RNF43: variants seen among roughly 807,000 people sequenced by gnomAD.
RNF43 encodes the protein ring finger protein 43, also known as E3 ubiquitin-protein ligase RNF43.
Under a neutral mutation model 78.4 loss-of-function variants are expected in RNF43, and 37 were observed. That is an observed-to-expected ratio of 0.47 (90% CI 0.36 to 0.62). RNF43 has a LOEUF of 0.62. Ranked by LOEUF, RNF43 falls within the 20% of genes least tolerant of loss-of-function variation. RNF43 has a pLI of 0.00. For synonymous variants in RNF43, 347 were observed against 395.0 expected, an observed-to-expected ratio of 0.88 and a Z score of 1.44; for missense variants, 774 against 1,007.9, an observed-to-expected ratio of 0.77 and a Z score of 3.14.
At position 58,357,770 on chromosome 17, in the gene RNF43, G is replaced by T. The variant is rs1254699355; in HGVS notation, c.2006C>A (p.Pro669His). Residue 669 changes from proline (P) to histidine (H), a missense_variant, in exon 9 of 10, where the codon CCC (proline) becomes CAC (histidine). Transcript: ENST00000407977. This position sits in a 1 kb window ranked among gnomAD's most constrained non-coding sequence, Gnocchi z 4.5. ...AGCTGGGTGCACAGTTGCATCCTGG[G>T]GCCGAGAGCCAGGGGTGGGCTCGGA... is the stretch of plus-strand genomic sequence containing the variant. ...GPSEPTPGSR[P>H]QDATVHPACQ... The T allele has an allele frequency of 6.2e-7, 1 of 1,613,844 alleles. No homozygotes were observed. The highest frequency in any genetic ancestry group is 1.7e-5 in the Admixed American group (1 of 59,958).
chr17:58,377,590 A>C (rs1166845875), intron 2 of RNF43, among the ~76,000 whole-genome samples: 2 of 152,044 alleles, frequency 1.3e-5, no homozygotes, highest in African/African-American at 2.4e-5. Context: ...CCCCTTATCC[A>C]TGGCATCTCC....
intron 2 of RNF43, among the ~76,000 whole-genome samples, chr17:58,376,164 T>C (rs1420568165): frequency 6.6e-6 from 1 of 152,170 alleles, no homozygotes; most frequent in Non-Finnish European, 1.5e-5. Flanking sequence ...GGAGAGATGA[T>C]GTGCCTGCGT....
At chr17:58,407,086 T>G (rs1973925854) in intron 2 of RNF43, among the ~76,000 whole-genome samples, 2 of 142,920 alleles carry the variant, frequency 1.4e-5, no homozygotes, top group South Asian at 4.6e-4. Context: ...TTTTTTTTTT[T>G]TTTTTTTTTT....
At chr17:58,416,634 T>G (rs1974131784) in intron 1 of RNF43, 1 of 152,176 alleles carries the variant, frequency 6.6e-6, no homozygotes, top group African/African-American at 2.4e-5. Flanking sequence ...TCCTCACATG[T>G]ATCCAAATTC....
chr17:58,383,910 G>A (rs978330373), intron 2 of RNF43, among the ~76,000 whole-genome samples: 1 of 152,104 alleles, frequency 6.6e-6, no homozygotes, highest in Non-Finnish European at 1.5e-5. Flanking sequence ...GAGCTACTGC[G>A]CCCAGCTAAA....
chr17:58,387,637 G>A (rs907838043), intron 2 of RNF43, among the ~76,000 whole-genome samples: 9 of 151,866 alleles, frequency 5.9e-5, no homozygotes, highest in African/African-American at 2.2e-4. Flanking sequence ...TCCAGCCTGG[G>A]CGACAGAGAG....
chr17:58,389,325 A>C (rs979026842), intron 2 of RNF43, among the ~76,000 whole-genome samples: 10 of 152,206 alleles, frequency 6.6e-5, no homozygotes, highest in Admixed American at 5.2e-4. Context: ...TGGAAAAAAG[A>C]TGTTGCATTA....
At chr17:58,352,624 C>T, downstream of RNF43, 1 of 211,990 alleles carries the variant, frequency 4.7e-6, no homozygotes, top group Non-Finnish European at 9.6e-6. Context: ...TCTGGATTGT[C>T]TCTGCAGAGA....
In RNF43 at chr17:58,358,942, TGG is replaced by T. The variant is rs929669716; in HGVS notation, c.953-121_953-120del. On this transcript the variant is annotated intron_variant, in intron 8 of 9. Coordinates refer to ENST00000407977, the MANE Select transcript of RNF43 (RefSeq NM_017763.6). The surrounding 1 kb of genome is among the most constrained non-coding windows in gnomAD (Gnocchi z 6.2). ...CTGAGTAGCCTGTGAGCTCAGAGTT[TGG>T]GGGATCAAGGACGTGCCTAAGCTGC... 1.8e-6 allele frequency: 2 copies of T among 1,122,404 alleles called. No individual in the cohort carries two copies. Among genetic ancestry groups the T allele is most frequent in the Admixed American group, 3.4e-5 (1 of 29,198 alleles). The allele number at this position is 1,122,404 out of a possible 1,614,324, so 69.5% of individuals were successfully genotyped here.
rs1006038276 is a variant in RNF43, at chr17:58,354,688, A to G, written c.*255T>C. On this transcript the variant is annotated 3_prime_UTR_variant, in exon 10 of 10. Coordinates refer to ENST00000407977, the MANE Select transcript of RNF43 (RefSeq NM_017763.6). ...GATCCAGCCCACACACGCCACAGGC[A>G]GCAGCTGGTTGCCTGGCTGGACATG... The G allele has an allele frequency of 2.2e-5, 12 of 541,280 alleles. No homozygotes were observed. Among genetic ancestry groups the G allele is most frequent in the Non-Finnish European group, 3.4e-5 (10 of 297,124 alleles). The allele number at this position is 541,280 out of a possible 1,614,324, so 33.5% of individuals were successfully genotyped here.
intron 2 of RNF43, among the ~76,000 whole-genome samples, chr17:58,398,409 T>G (rs1041307277): frequency 1.3e-5 from 2 of 152,226 alleles, no homozygotes; most frequent in African/African-American, 4.8e-5. Context: ...CTGCTTCTTT[T>G]TTGATATATC....
At chr17:58,352,636 C>G (rs1027147662), downstream of RNF43, 7 of 211,208 alleles carry the variant, frequency 3.3e-5, no homozygotes, top group Admixed American at 5.9e-5. Context: ...CTGCAGAGAC[C>G]GAGAAGAAAT....
At chr17:58,372,907 G>C (rs1346165513) in intron 2 of RNF43, among the ~76,000 whole-genome samples, 1 of 152,228 alleles carries the variant, frequency 6.6e-6, no homozygotes, top group Non-Finnish European at 1.5e-5. Context: ...GAGGTAGACT[G>C]TGGGCAGTGA....
chr17:58,415,903 A>T lies in RNF43; in HGVS notation c.-326T>A. The T allele has an allele frequency of 2.4e-6, 1 of 417,640 alleles. No homozygotes were observed. Among genetic ancestry groups the T allele is most frequent in the Non-Finnish European group, 4.4e-6 (1 of 226,678 alleles). 25.9% of individuals were successfully genotyped at this position (417,640 alleles called of 1,614,324 possible). A position where few individuals can be genotyped will look rare whatever the true frequency, so the allele number is the denominator to read the frequency against. ...GCTTGTGATTGAATGTCACTTCGTG[A>T]ATTTGTATTATGTCAGATCACTTGG... On this transcript the variant is annotated 5_prime_UTR_variant, in exon 2 of 10. Coordinates refer to ENST00000407977, the MANE Select transcript of RNF43 (RefSeq NM_017763.6).
At chr17:58,414,522 T>C (rs1974086803) in intron 2 of RNF43, among the ~76,000 whole-genome samples, 1 of 152,218 alleles carries the variant, frequency 6.6e-6, no homozygotes, top group Non-Finnish European at 1.5e-5. Flanking sequence ...AGGCTCTGTC[T>C]TTACTATGGG....
intron 2 of RNF43, among the ~76,000 whole-genome samples, chr17:58,380,969 T>C (rs1973302966): frequency 6.6e-6 from 1 of 152,224 alleles, no homozygotes; most frequent in Non-Finnish European, 1.5e-5. Context: ...AAATCTTCTA[T>C]GCTCAGATTT....
intron 2 of RNF43, among the ~76,000 whole-genome samples, chr17:58,403,405 T>G (rs1973844184): frequency 6.6e-6 from 1 of 152,190 alleles, no homozygotes; most frequent in South Asian, 2.1e-4. Context: ...AGAAAATTCT[T>G]TGCAGGGCGT....
chr17:58,353,020 A>G, downstream of RNF43: 1 of 217,274 alleles, frequency 4.6e-6, no homozygotes, highest in Admixed American at 5.8e-5. Flanking sequence ...CTGGCCCTGG[A>G]GACTTCACGC....
In RNF43 at chr17:58,360,126, G is replaced by A. The variant is rs756977861; in HGVS notation, c.952+23C>T. 10 of 1,565,398 alleles carry A rather than the reference G, an allele frequency of 6.4e-6. No homozygotes were observed. Among genetic ancestry groups the A allele is most frequent in the Non-Finnish European group, 6.2e-6 (7 of 1,136,302 alleles). ...CTAGACCTGTCTGCCTACACAGAGG[G>A]GAGTCCTTGGCCCACCTCCTACCTG... On this transcript the variant is annotated intron_variant, in intron 8 of 9. Coordinates refer to ENST00000407977, the MANE Select transcript of RNF43 (RefSeq NM_017763.6). The surrounding 1 kb of genome is among the most constrained non-coding windows in gnomAD (Gnocchi z 4.3).
Sources: gnomAD v4.1 joint callset for allele counts (sites outside exome capture counted in the v4.1 genomes callset) on GRCh38, gnomAD v4.1.1 for gene constraint, Gnocchi (gnomAD v3.1) non-coding constraint, MANE v1.5 for transcripts, NCBI Gene and HGNC (gene_info 2026-07-23, HGNC 2026-07-21) for gene names.